Variants in ADK observed in about 807,000 individuals in gnomAD.
ADK encodes adenosine kinase.
In ADK, 24 loss-of-function variants were observed where a neutral mutation model predicts 44.7. That is an observed-to-expected ratio of 0.54 (90% CI 0.39 to 0.76). The LOEUF is 0.76. Among genes scored for constraint, ADK ranks in the 30% least tolerant of loss-of-function variants. ADK has a pLI of 0.00. For synonymous variants in ADK, 128 were observed against 142.6 expected (o/e 0.90, Z 0.73); for missense variants, 321 against 425.1 (o/e 0.76, Z 2.15).
At chr10:74,504,113 C>T (rs1299570952) in intron 6 of ADK, among the ~76,000 whole-genome samples, 1 of 152,148 alleles carries the variant, frequency 6.6e-6, no homozygotes, top group Non-Finnish European at 1.5e-5. Flanking sequence ...CACTGACACC[C>T]CAGGGTACTG....
intron 1 of ADK, among the ~76,000 whole-genome samples, chr10:74,176,293 T>C (rs1474948969): frequency 2.0e-5 from 3 of 152,238 alleles, no homozygotes; most frequent in African/African-American, 7.2e-5. Context: ...CCAGGCATTT[T>C]ATATTTTCCT....
At chr10:74,353,570 T>TTA (rs1554846833) in intron 4 of ADK, among the ~76,000 whole-genome samples, 2 of 135,416 alleles carry the variant, frequency 1.5e-5, no homozygotes, top group East Asian at 2.2e-4. Flanking sequence ...AACTTAAAGT[T>TTA]AAAAAAAAAA....
intron 4 of ADK, among the ~76,000 whole-genome samples, chr10:74,345,318 T>C (rs375275905): frequency 3.5e-5 from 5 of 140,888 alleles, no homozygotes; most frequent in African/African-American, 1.0e-4. Flanking sequence ...TTTTTTTTTT[T>C]CCCAGACAGG....
chr10:74,180,844 C>A (rs983668883), intron 1 of ADK, among the ~76,000 whole-genome samples: 12 of 152,166 alleles, frequency 7.9e-5, no homozygotes, highest in Non-Finnish European at 1.3e-4. Context: ...AGCCACCGCC[C>A]CCAGCCCCAT....
At chr10:74,695,774 G>A (rs1324238208) in intron 10 of ADK, among the ~76,000 whole-genome samples, 1 of 151,742 alleles carries the variant, frequency 6.6e-6, no homozygotes. Context: ...CAAGTAGCTG[G>A]GACTACAGTC....
intron 10 of ADK, among the ~76,000 whole-genome samples, chr10:74,691,536 C>T (rs767095143): frequency 1.3e-5 from 2 of 152,088 alleles, no homozygotes; most frequent in African/African-American, 2.4e-5. Flanking sequence ...GCAGGGAAAT[C>T]ATAGAATTAT....
intron 4 of ADK, among the ~76,000 whole-genome samples, chr10:74,366,081 A>G (rs183185262): frequency 7.2e-4 from 109 of 152,292 alleles, no homozygotes; most frequent in African/African-American, 2.6e-3. Flanking sequence ...TTTAACCAAG[A>G]AATACCTTTT....
At chr10:74,593,497 G>A (rs73276238) in intron 8 of ADK, among the ~76,000 whole-genome samples, 6,127 of 151,610 alleles carry the variant, frequency 0.04, 371 homozygotes, top group African/African-American at 0.13. Flanking sequence ...GACACAAACA[G>A]CAAAACAAAT....
At chr10:74,396,679 C>T (rs1843522696) in intron 5 of ADK, among the ~76,000 whole-genome samples, 1 of 151,904 alleles carries the variant, frequency 6.6e-6, no homozygotes, top group Non-Finnish European at 1.5e-5. Flanking sequence ...TCTGGTCGGG[C>T]ATGGCAGCTC....
chr10:74,686,777 A>C (rs1855805727), intron 10 of ADK, among the ~76,000 whole-genome samples: 1 of 151,994 alleles, frequency 6.6e-6, no homozygotes. Flanking sequence ...CTCGGGTTCA[A>C]GCGATTACCC....
Position 74,458,249 on chromosome 10 carries a change from A to G in ADK, c.555+59670A>G, listed in dbSNP as rs946478188. Among the ~76,000 whole-genome samples the G allele has an allele frequency of 9.9e-5, 14 of 141,936 alleles. No homozygotes were observed. In the East Asian group the frequency reaches 2.3e-3, roughly 23 times the overall value. 93.1% of individuals were successfully genotyped at this position (141,936 alleles called of 152,430 possible). On this transcript the variant is annotated intron_variant, in intron 6 of 10. Coordinates refer to ENST00000539909, the MANE Select transcript of ADK (RefSeq NM_006721.4). ...CAGGCCCAAGTGATCCTCTCACTTC[A>G]GGCTCCAAGTATCTGGACTCAAAGG...
Position 74,679,736 on chromosome 10 carries a change from T to C in ADK, c.964+9467T>C, listed in dbSNP as rs182889267. Among the ~76,000 whole-genome samples, 367 of 148,890 alleles carry C rather than the reference T, an allele frequency of 2.5e-3. 2 individuals carry two copies. The highest frequency in any genetic ancestry group is 7.6e-3 in the Admixed American group (113 of 14,936). On this transcript the variant is annotated intron_variant, in intron 10 of 10. Coordinates refer to ENST00000539909, the MANE Select transcript of ADK (RefSeq NM_006721.4). ...CAGCACTTTGGGAGGCTGAGACAGG[T>C]GGATCACTTGAGGTCAGGAGTTCGA...
intron 4 of ADK, among the ~76,000 whole-genome samples, chr10:74,333,334 T>G (rs1437079323): frequency 6.6e-6 from 1 of 152,160 alleles, no homozygotes; most frequent in African/African-American, 2.4e-5. Context: ...ATGTTGTACT[T>G]TATTTAGAGA....
intron 9 of ADK, among the ~76,000 whole-genome samples, chr10:74,630,135 A>C (rs1051924164): frequency 5.9e-5 from 9 of 152,160 alleles, no homozygotes; most frequent in Admixed American, 3.3e-4. Context: ...TTTTCCATAT[A>C]TCCTTCATCC....
At chr10:74,269,534 T>C (rs1318176665) in intron 3 of ADK, among the ~76,000 whole-genome samples, 1 of 152,172 alleles carries the variant, frequency 6.6e-6, no homozygotes, top group Non-Finnish European at 1.5e-5. Flanking sequence ...TGGCTGGTCA[T>C]TTTATGGTTG....
chr10:74,237,309 A>G (rs773390389), intron 3 of ADK, among the ~76,000 whole-genome samples: 6 of 152,282 alleles, frequency 3.9e-5, no homozygotes, highest in Non-Finnish European at 7.4e-5. Flanking sequence ...TTGCTCATCT[A>G]TAAGAAGCAA....
chr10:74,491,203 T>A (rs1434408719), intron 6 of ADK, among the ~76,000 whole-genome samples: 1 of 152,124 alleles, frequency 6.6e-6, no homozygotes. Context: ...TGGAAGATAC[T>A]CAGTGAGTGT....
chr10:74,564,068 A>G (rs1374525253), intron 7 of ADK, among the ~76,000 whole-genome samples: 1 of 89,112 alleles, frequency 1.1e-5, no homozygotes, highest in Non-Finnish European at 2.1e-5. Context: ...AACAGTCCCC[A>G]GAGTGTGATG....
chr10:74,650,157 TG>T (rs1361368591), intron 9 of ADK, among the ~76,000 whole-genome samples: 1 of 152,166 alleles, frequency 6.6e-6, no homozygotes, highest in African/African-American at 2.4e-5. Flanking sequence ...CAGTGGCTTA[TG>T]CCTGTAGTCC....
Sources: allele counts gnomAD v4.1 joint callset (sites outside exome capture counted in the v4.1 genomes callset), GRCh38; gene constraint gnomAD v4.1.1; transcripts MANE v1.5; gene names NCBI Gene and HGNC (gene_info 2026-07-23, HGNC 2026-07-21).